Variants in ROBO2 observed in about 807,000 individuals in gnomAD.
ROBO2 encodes roundabout homolog 2.
In ROBO2, 53 loss-of-function variants were observed where a neutral mutation model predicts 160.8. The observed-to-expected ratio is 0.33, with a 90% CI of 0.26 to 0.41. The LOEUF (loss-of-function observed/expected upper bound fraction) is 0.41, where lower values mean the gene tolerates loss of function less well. Among genes scored for constraint, ROBO2 ranks in the 10% least tolerant of loss-of-function variants. The pLI, the probability that ROBO2 is intolerant of heterozygous loss-of-function variation, is 1.00. For synonymous variants in ROBO2, 664 were observed against 611.7 expected, an observed-to-expected ratio of 1.09 and a Z score of -1.26; for missense variants, 1,577 against 1,722.4, an observed-to-expected ratio of 0.92 and a Z score of 1.49.
At chr3:76,177,305 A>G (rs2073266659) in intron 2 of ROBO2, among the ~76,000 whole-genome samples, 1 of 152,184 alleles carries the variant, frequency 6.6e-6, no homozygotes, top group African/African-American at 2.4e-5. Flanking sequence ...ATTCATCTGG[A>G]TAAAAGAAGA....
chr3:77,065,567 C>A (rs1041035922), intron 1 of ROBO2, among the ~76,000 whole-genome samples: 1 of 152,038 alleles, frequency 6.6e-6, no homozygotes, highest in African/African-American at 2.4e-5. Context: ...TTGAGAGTAC[C>A]TTAAATGAGA....
chr3:76,201,150 A>G (rs958889419), intron 2 of ROBO2, among the ~76,000 whole-genome samples: 14 of 152,204 alleles, frequency 9.2e-5, no homozygotes, highest in African/African-American at 2.7e-4. Context: ...TTTCTGAATC[A>G]GTCTTTATGC....
At chr3:76,852,227 A>G (rs549376772) in intron 2 of ROBO2, among the ~76,000 whole-genome samples, 1 of 152,270 alleles carries the variant, frequency 6.6e-6, no homozygotes, top group African/African-American at 2.4e-5. Flanking sequence ...ATGTTTTGAC[A>G]TGCAACATAC....
intron 2 of ROBO2, among the ~76,000 whole-genome samples, chr3:77,112,728 G>T (rs1433637813): frequency 6.6e-6 from 1 of 152,132 alleles, no homozygotes; most frequent in African/African-American, 2.4e-5. Context: ...AGGATCAGTG[G>T]ATAAAAGTTT....
intron 2 of ROBO2, among the ~76,000 whole-genome samples, chr3:76,395,212 G>A (rs1000264904): frequency 6.6e-6 from 1 of 150,624 alleles, no homozygotes; most frequent in Non-Finnish European, 1.5e-5. Flanking sequence ...TGAACAACCT[G>A]CTCCTGAATG....
intron 2 of ROBO2, among the ~76,000 whole-genome samples, chr3:77,130,660 C>G (rs2075776013): frequency 6.6e-6 from 1 of 152,128 alleles, no homozygotes; most frequent in Non-Finnish European, 1.5e-5. Context: ...CAAGTACATA[C>G]ATTATTATTA....
intron 17 of ROBO2, among the ~76,000 whole-genome samples, chr3:77,591,398 T>C (rs369130661): frequency 3.9e-5 from 6 of 152,128 alleles, no homozygotes; most frequent in African/African-American, 1.4e-4. Flanking sequence ...TTTGCCACAG[T>C]TATGTTTTCT....
chr3:76,220,412 G>T (rs1314822862), intron 2 of ROBO2, among the ~76,000 whole-genome samples: 3 of 152,056 alleles, frequency 2.0e-5, no homozygotes, highest in African/African-American at 7.2e-5. Flanking sequence ...GGGGTGACTA[G>T]GATGTAAAAG....
At chr3:76,619,919 C>A (rs1481550074) in intron 2 of ROBO2, among the ~76,000 whole-genome samples, 2 of 151,976 alleles carry the variant, frequency 1.3e-5, no homozygotes, top group African/African-American at 4.8e-5. Flanking sequence ...TAATTCAGCC[C>A]AGGTAAAACT....
At chr3:76,909,834 A>G (rs1215459983) in intron 2 of ROBO2, among the ~76,000 whole-genome samples, 3 of 152,182 alleles carry the variant, frequency 2.0e-5, no homozygotes, top group African/African-American at 7.2e-5. Context: ...GGAAAAGTCT[A>G]TTTTTACATT....
intron 1 of ROBO2, among the ~76,000 whole-genome samples, chr3:77,051,691 G>C (rs963589395): frequency 6.6e-6 from 1 of 152,176 alleles, no homozygotes; most frequent in Non-Finnish European, 1.5e-5. Flanking sequence ...GTCTGTATCA[G>C]GATTCAATTC....
At chr3:76,119,023 G>T (rs1419642324) in intron 2 of ROBO2, among the ~76,000 whole-genome samples, 1 of 152,054 alleles carries the variant, frequency 6.6e-6, no homozygotes, top group East Asian at 1.9e-4. Context: ...TTCTTTAAAT[G>T]ACTACTCTTG....
intron 2 of ROBO2, among the ~76,000 whole-genome samples, chr3:76,598,020 G>A (rs1057095382): frequency 2.0e-5 from 3 of 151,974 alleles, no homozygotes; most frequent in African/African-American, 7.3e-5. Flanking sequence ...AAACAGCTTT[G>A]ATGTTTTTCA....
intron 2 of ROBO2, among the ~76,000 whole-genome samples, chr3:76,794,462 TAAATATA>T (rs1474754757): frequency 1.6e-4 from 24 of 152,092 alleles, no homozygotes; most frequent in Non-Finnish European, 3.5e-4. Flanking sequence ...AGAAGTTCTA[TAAATATA>T]GTATACGTGA....
At chr3:77,251,899 C>G (rs1019535867) in intron 2 of ROBO2, among the ~76,000 whole-genome samples, 1 of 152,104 alleles carries the variant, frequency 6.6e-6, no homozygotes, top group African/African-American at 2.4e-5. Context: ...TATGAATTAC[C>G]CAGTCTCAGG....
chr3:77,489,895 C>A (rs889897841), intron 4 of ROBO2, among the ~76,000 whole-genome samples: 1 of 152,078 alleles, frequency 6.6e-6, no homozygotes, highest in African/African-American at 2.4e-5. Flanking sequence ...AGTTTTGCTG[C>A]AATTATCCTA....
chr3:76,614,746 T>C (rs2088431428), intron 2 of ROBO2, among the ~76,000 whole-genome samples: 1 of 152,142 alleles, frequency 6.6e-6, no homozygotes, highest in Non-Finnish European at 1.5e-5. Flanking sequence ...AAAATTCAAA[T>C]TGGCTAATAA....
chr3:77,074,059 G>A (rs923260430), intron 1 of ROBO2, among the ~76,000 whole-genome samples: 12 of 152,178 alleles, frequency 7.9e-5, no homozygotes, highest in African/African-American at 2.4e-4. Context: ...CATCCTGAAT[G>A]TACAAATGAA....
intron 4 of ROBO2, among the ~76,000 whole-genome samples, chr3:77,490,498 A>G (rs113278844): frequency 0.018 from 2,695 of 152,238 alleles, 75 homozygotes; most frequent in African/African-American, 0.059. Context: ...TTGTAATTTG[A>G]TAGCTATATC....
Sources: allele counts gnomAD v4.1 joint callset (sites outside exome capture counted in the v4.1 genomes callset), GRCh38; gene constraint gnomAD v4.1.1; transcripts MANE v1.5; gene names NCBI Gene and HGNC (gene_info 2026-07-23, HGNC 2026-07-21).